ATP6V0E1: variants seen among roughly 807,000 people sequenced by gnomAD.
ATP6V0E1 encodes ATPase H+ transporting V0 subunit e1, also known as V-type proton ATPase subunit e 1.
In ATP6V0E1, 4 loss-of-function variants were observed where a neutral mutation model predicts 11.6. The observed-to-expected ratio is 0.35, with a 90% CI of 0.17 to 0.79. ATP6V0E1 has a LOEUF of 0.79. ATP6V0E1 is among the 30% of genes least tolerant of loss of function. ATP6V0E1 has a pLI of 0.54. For synonymous variants in ATP6V0E1, 36 were observed against 34.8 expected (o/e 1.04, Z -0.13); for missense variants, 105 against 100.0 (o/e 1.05, Z -0.21).
intron 1 of ATP6V0E1, among the ~76,000 whole-genome samples, chr5:172,984,612 GA>G (rs974076775): frequency 6.6e-6 from 1 of 152,224 alleles, no homozygotes; most frequent in African/African-American, 2.4e-5. Flanking sequence ...GATTGGCTAA[GA>G]AAGATTTTGT....
intron 2 of ATP6V0E1, among the ~76,000 whole-genome samples, chr5:173,019,753 T>TTA (rs1324593275): frequency 6.6e-6 from 1 of 152,172 alleles, no homozygotes; most frequent in Admixed American, 6.5e-5. Flanking sequence ...ACCTTACATG[T>TTA]TATAGTCTAA....
intron 3 of ATP6V0E1, among the ~76,000 whole-genome samples, chr5:173,024,836 T>C (rs947516258): frequency 6.8e-6 from 1 of 147,954 alleles, no homozygotes; most frequent in African/African-American, 2.5e-5. Flanking sequence ...ATTTTATTTT[T>C]TTCTTTTTTC....
chr5:172,994,900 A>G, intron 2 of ATP6V0E1, 78 bp downstream of exon 2: 1 of 1,141,500 alleles, frequency 8.8e-7, no homozygotes, highest in Non-Finnish European at 1.3e-6. Flanking sequence ...ATTGGAGCTC[A>G]TCCCTCATGT....
chr5:172,999,992 A>T (rs1013739664), intron 2 of ATP6V0E1, among the ~76,000 whole-genome samples: 10 of 151,764 alleles, frequency 6.6e-5, no homozygotes, highest in African/African-American at 2.4e-4. Flanking sequence ...AGATTCTATT[A>T]AAAAAATTGA....
In ATP6V0E1 at chr5:172,983,803, C is replaced by T. The variant is rs1404781927; in HGVS notation, c.-58C>T. On this transcript the variant is annotated 5_prime_UTR_variant, in exon 1 of 4. Transcript: ENST00000519374. ...CTGGTCACGCGGTCAGCTATTGACACTTCCTGGTGGGATCCGAGTGAGGCG... is the reference window on the plus strand; with the variant it reads ...CTGGTCACGCGGTCAGCTATTGACATTTCCTGGTGGGATCCGAGTGAGGCG... The T allele has an allele frequency of 6.5e-7, 1 of 1,542,488 alleles. No individual in the cohort carries two copies.
intron 2 of ATP6V0E1, among the ~76,000 whole-genome samples, chr5:173,011,347 GA>G (rs201331967): frequency 3.3e-5 from 5 of 151,720 alleles, no homozygotes; most frequent in South Asian, 4.2e-4. Flanking sequence ...CTGGCTAATT[GA>G]AAAAAAATTT....
intron 3 of ATP6V0E1, among the ~76,000 whole-genome samples, chr5:173,029,662 G>C (rs1756618197): frequency 6.6e-6 from 1 of 152,082 alleles, no homozygotes; most frequent in Non-Finnish European, 1.5e-5. Flanking sequence ...AGGATTTTTT[G>C]TTTTGTTTTG....
At chr5:173,008,702 GA>G (rs1756265593) in intron 2 of ATP6V0E1, among the ~76,000 whole-genome samples, 1 of 149,130 alleles carries the variant, frequency 6.7e-6, no homozygotes, top group African/African-American at 2.4e-5. Flanking sequence ...GAGGTCAGGA[GA>G]TCGAGACCAT....
At chr5:173,008,873 T>A (rs1263548231) in intron 2 of ATP6V0E1, among the ~76,000 whole-genome samples, 2 of 131,288 alleles carry the variant, frequency 1.5e-5, no homozygotes, top group East Asian at 2.3e-4. Context: ...ATTGGGCCAC[T>A]GCACTCCAGC....
chr5:172,986,628 C>A, intron 1 of ATP6V0E1: 2 of 412,670 alleles, frequency 4.8e-6, no homozygotes, highest in Non-Finnish European at 9.5e-6. Flanking sequence ...CCTGTCTCTT[C>A]AAAAATGAAA....
chr5:173,008,406 G>A (rs1208233185), intron 2 of ATP6V0E1, among the ~76,000 whole-genome samples: 1 of 149,172 alleles, frequency 6.7e-6, no homozygotes, highest in East Asian at 2.0e-4. Context: ...GTTCAAGCAA[G>A]TCTTCTGCCT....
intron 3 of ATP6V0E1, among the ~76,000 whole-genome samples, chr5:173,033,059 T>A (rs1756689367): frequency 6.6e-6 from 1 of 152,148 alleles, no homozygotes; most frequent in South Asian, 2.1e-4. Context: ...TTGTGGCCAC[T>A]ACACTCCAGG....
intron 2 of ATP6V0E1, among the ~76,000 whole-genome samples, chr5:173,014,459 GAATC>G (rs1280106381): frequency 2.6e-5 from 4 of 152,142 alleles, no homozygotes; most frequent in African/African-American, 9.7e-5. Context: ...CAGAGACAGA[GAATC>G]AATCTAAGTG....
rs541413901 is a variant in ATP6V0E1, at chr5:173,029,383, G to A, written c.*37-5016G>A. Among the ~76,000 whole-genome samples, 17 of 152,142 alleles carry A rather than the reference G, an allele frequency of 1.1e-4. No homozygotes were observed. The South Asian group carries it at 1.7e-3, about 15-fold the overall frequency. On this transcript the variant is annotated intron_variant, in intron 3 of 3. Coordinates refer to ENST00000519374, the MANE Select transcript of ATP6V0E1 (RefSeq NM_003945.4). ...TTCCTTGTCAGGGTCAGAACCTGTCGCGTCACTTTTTTCTCCTCTTCCTCA... is the reference window on the plus strand; with the variant it reads ...TTCCTTGTCAGGGTCAGAACCTGTCACGTCACTTTTTTCTCCTCTTCCTCA...
intron 3 of ATP6V0E1, among the ~76,000 whole-genome samples, chr5:173,027,711 C>T (rs1756585396): frequency 6.6e-6 from 1 of 152,064 alleles, no homozygotes; most frequent in Admixed American, 6.6e-5. Flanking sequence ...ACCTTGGCTT[C>T]TCGAAGTGCT....
chr5:173,025,948 C>T (rs1378112437), intron 3 of ATP6V0E1, among the ~76,000 whole-genome samples: 2 of 151,952 alleles, frequency 1.3e-5, no homozygotes, highest in African/African-American at 4.8e-5. Context: ...CTCTTGAGCC[C>T]AGAGTTTGAG....
intron 2 of ATP6V0E1, among the ~76,000 whole-genome samples, chr5:173,005,742 A>G (rs1476163778): frequency 1.3e-5 from 2 of 152,210 alleles, no homozygotes; most frequent in East Asian, 3.8e-4. Context: ...ATTTAATACA[A>G]TAAAATTCCC....
At chr5:173,006,268 A>G (rs989712796) in intron 2 of ATP6V0E1, among the ~76,000 whole-genome samples, 3 of 152,106 alleles carry the variant, frequency 2.0e-5, no homozygotes, top group East Asian at 3.8e-4. Flanking sequence ...TTAATTCAAG[A>G]TATAACCCTT....
intron 3 of ATP6V0E1, 64 bp downstream of exon 3, chr5:173,020,431 T>TC: frequency 9.8e-7 from 1 of 1,022,154 alleles, no homozygotes; most frequent in Non-Finnish European, 1.5e-6. Flanking sequence ...CTTGACTTTT[T>TC]CTCACATTTT....
Sources: allele counts gnomAD v4.1 joint callset (sites outside exome capture counted in the v4.1 genomes callset), GRCh38; gene constraint gnomAD v4.1.1; transcripts MANE v1.5; gene names NCBI Gene and HGNC (gene_info 2026-07-23, HGNC 2026-07-21).